GNE: variants seen among roughly 807,000 people sequenced by gnomAD.
GNE encodes the protein bifunctional UDP-N-acetylglucosamine 2-epimerase/N-acetylmannosamine kinase.
GNE carries 41 observed loss-of-function variants against 61.8 expected under a neutral mutation model. That is an observed-to-expected ratio of 0.66 (90% CI 0.52 to 0.86). The LOEUF (loss-of-function observed/expected upper bound fraction) is 0.86. Ranked by LOEUF, GNE falls within the 40% of genes least tolerant of loss-of-function variation. The pLI is 0.00. For synonymous variants in GNE, 264 were observed against 326.4 expected (o/e 0.81, Z 2.06); for missense variants, 608 against 909.1 (o/e 0.67, Z 4.26).
At chr9:36,222,188 G>C (rs1431053181) in intron 9 of GNE, among the ~76,000 whole-genome samples, 5 of 152,058 alleles carry the variant, frequency 3.3e-5, no homozygotes, top group Admixed American at 3.3e-4. Context: ...GGAGGCCGAG[G>C]CGGGCGGATC....
chr9:36,272,081 T>C (rs892407049), intron 1 of GNE, among the ~76,000 whole-genome samples: 2 of 152,144 alleles, frequency 1.3e-5, no homozygotes, highest in Non-Finnish European at 2.9e-5. Flanking sequence ...ACACTCTTGC[T>C]CAATCTTTAT....
chr9:36,248,318 CT>C (rs551725041), intron 2 of GNE, among the ~76,000 whole-genome samples: 130 of 141,958 alleles, frequency 9.2e-4, no homozygotes, highest in Non-Finnish European at 8.2e-4. Flanking sequence ...TCAACCTTTG[CT>C]TTTTTTTTTT....
intron 1 of GNE, chr9:36,265,594 C>G (rs1830749694): frequency 2.5e-6 from 1 of 394,496 alleles, no homozygotes; most frequent in South Asian, 1.8e-5. Flanking sequence ...TCACCCCATA[C>G]TGTATCTCAG....
At position 36,215,516 on chromosome 9, in the gene GNE, T is replaced by G. The variant is rs1420459798; in HGVS notation, c.*1849A>C. ...TGAAAGTGTTTTTGAAATGAGAGGT[T>G]GTGTGGCTCAGCAGCAAAAGCACAG... On this transcript the variant is annotated 3_prime_UTR_variant, in exon 12 of 12. Transcript: ENST00000642385. 1 of 152,204 alleles carries G rather than the reference T, an allele frequency of 6.6e-6. No individual in the cohort carries two copies. Among genetic ancestry groups the G allele is most frequent in the Non-Finnish European group, 1.5e-5 (1 of 68,028 alleles). The allele number at this position is 152,204 out of a possible 1,614,324, so 9.4% of individuals were successfully genotyped here.
At chr9:36,222,555 A>G (rs900712829) in intron 9 of GNE, among the ~76,000 whole-genome samples, 1 of 152,240 alleles carries the variant, frequency 6.6e-6, no homozygotes. Flanking sequence ...GCTCTGGGAA[A>G]TAAGAGCTTT....
Position 36,216,674 on chromosome 9 carries a change from T to TTA in GNE, c.*690_*691insTA, listed in dbSNP as rs1563924974. Reference sequence around the variant, plus strand: ...TATTATTATTATTATTATTATTATTTATTATTATTATTTTTGAGATGGAGT... The same window carrying TTA: ...TATTATTATTATTATTATTATTATTTTAATTATTATTATTTTTGAGATGGAGT... On this transcript the variant is annotated 3_prime_UTR_variant, in exon 12 of 12. Transcript: ENST00000642385. The TTA allele has an allele frequency of 8.6e-5, 4 of 46,248 alleles. No individual in the cohort carries two copies. Among genetic ancestry groups the TTA allele is most frequent in the African/African-American group, 2.0e-4 (3 of 15,138 alleles). The allele number at this position is 46,248 out of a possible 1,614,324, so 2.9% of individuals were successfully genotyped here. A position where few individuals can be genotyped will look rare whatever the true frequency, so the allele number is the denominator to read the frequency against.
chr9:36,247,155 C>T (rs998458119), intron 2 of GNE, among the ~76,000 whole-genome samples: 2 of 152,032 alleles, frequency 1.3e-5, no homozygotes, highest in Non-Finnish European at 2.9e-5. Context: ...CTCCCAGGTT[C>T]AAGCGATTCT....
intron 5 of GNE, among the ~76,000 whole-genome samples, chr9:36,231,278 A>AAAGCTTGTTTAAG (rs2133058061): frequency 6.6e-6 from 1 of 152,304 alleles, no homozygotes; most frequent in Non-Finnish European, 1.5e-5. Flanking sequence ...AAGCCTGGAC[A>AAAGCTTGTTTAAG]ACAAAGCAAG....
At chr9:36,242,962 A>T (rs1312139287) in intron 3 of GNE, among the ~76,000 whole-genome samples, 3 of 150,362 alleles carry the variant, frequency 2.0e-5, no homozygotes, top group Non-Finnish European at 4.4e-5. Flanking sequence ...CTGGTCTCCA[A>T]CTCCTGACCT....
At chr9:36,242,732 G>GTT (rs34441447) in intron 3 of GNE, among the ~76,000 whole-genome samples, 90 of 95,982 alleles carry the variant, frequency 9.4e-4, no homozygotes, top group East Asian at 2.6e-3. Context: ...TTTTATGCTT[G>GTT]TTTTTTTTTT....
chr9:36,220,023 A>G lies in GNE; in HGVS notation c.1634-3T>C, dbSNP rs2133007346. 6.2e-7 allele frequency: 1 copy of G among 1,612,844 alleles called. No individual in the cohort carries two copies. The highest frequency in any genetic ancestry group is 8.5e-7 in the Non-Finnish European group (1 of 1,179,084). ...ATGGATAATTCCACCACCGATTCCT[A>G]CAGCGAGGGATAGAAATCACTGAGG... On this transcript the variant is annotated splice_polypyrimidine_tract_variant and splice_region_variant and intron_variant, in intron 9 of 11. Transcript: ENST00000642385.
At chr9:36,256,390 G>T (rs1329402101) in intron 1 of GNE, among the ~76,000 whole-genome samples, 1 of 150,808 alleles carries the variant, frequency 6.6e-6, no homozygotes, top group Non-Finnish European at 1.5e-5. Flanking sequence ...GATCACAGGC[G>T]CCTGCCACCA....
Position 36,246,214 on chromosome 9 carries a change from A to C in GNE, c.433T>G (p.Ser145Ala). The change falls in exon 3 of 12, where the codon TCT (serine) becomes GCT (alanine). Residue 145 changes from serine to alanine, a missense_variant. By Grantham distance (99) the Ser-to-Ala change is moderately conservative (BLOSUM62 1). Coordinates refer to ENST00000642385, the MANE Select transcript of GNE (RefSeq NM_005476.7). ...GGEVSGTIDD[S>A]IRHAITKLAH... ...AGTTTTGTTATGGCATGTCTGATAGAGTCATCAATGGTCCCACTGACTTCC... is the reference window on the plus strand; with the variant it reads ...AGTTTTGTTATGGCATGTCTGATAGCGTCATCAATGGTCCCACTGACTTCC... The C allele has an allele frequency of 6.2e-7, 1 of 1,614,248 alleles. No homozygotes were observed. Among genetic ancestry groups the C allele is most frequent in the Non-Finnish European group, 8.5e-7 (1 of 1,180,036 alleles).
Position 36,217,293 on chromosome 9 carries a change from G to A in GNE, c.*72C>T. 1.0e-6 allele frequency: 1 copy of A among 991,142 alleles called. No individual in the cohort carries two copies. The highest frequency in any genetic ancestry group is 1.4e-5 in the South Asian group (1 of 73,914). 61.4% of individuals were successfully genotyped at this position (991,142 alleles called of 1,614,324 possible). ...TACCAGATTTGATTGTTAAGAAACG[G>A]TCATCCTAAAGACAAGAACTTGATT... On this transcript the variant is annotated 3_prime_UTR_variant, in exon 12 of 12. Transcript: ENST00000642385.
intron 5 of GNE, among the ~76,000 whole-genome samples, chr9:36,231,139 GA>G (rs1829139628): frequency 6.7e-6 from 1 of 150,228 alleles, no homozygotes; most frequent in Admixed American, 6.7e-5. Flanking sequence ...AAGAAGGAAG[GA>G]AGGAAGGAAA....
In GNE at chr9:36,246,057, T is replaced by C; in HGVS notation, c.590A>G (p.Tyr197Cys). The C allele has an allele frequency of 6.2e-7, 1 of 1,614,144 alleles. No homozygotes were observed. Among genetic ancestry groups the C allele is most frequent in the South Asian group, 1.1e-5 (1 of 91,080 alleles). The change falls in exon 3 of 12, where the codon TAC becomes TGC. Residue 197 changes from tyrosine to cysteine, a missense_variant. Physicochemically the swap from Tyr to Cys is radical, Grantham distance 194. Coordinates refer to ENST00000642385, the MANE Select transcript of GNE (RefSeq NM_005476.7). ...TAGCCACATGCGAATGATGCTCATG[T>C]AGTCTTTGTTCTTGGCTGAGAGAAG... ...DKLLSAKNKD[Y>C]MSIIRMWLGD...
intron 1 of GNE, among the ~76,000 whole-genome samples, chr9:36,267,061 G>T (rs140609001): frequency 3.4e-4 from 52 of 152,188 alleles, no homozygotes; most frequent in African/African-American, 1.2e-3. Flanking sequence ...GTGAGACTCA[G>T]TCTCAAAAAA....
At position 36,253,227 on chromosome 9, in the gene GNE, C is replaced by T. The variant is rs144814455; in HGVS notation, c.-42-3830G>A. Among the ~76,000 whole-genome samples the T allele has an allele frequency of 6.1e-3, 905 of 149,144 alleles. 4 individuals are homozygous for T. The highest frequency in any genetic ancestry group is 0.022 in the African/African-American group (850 of 39,446). On this transcript the variant is annotated intron_variant, in intron 1 of 11. Coordinates refer to ENST00000642385, the MANE Select transcript of GNE (RefSeq NM_005476.7). ...TGTGTATACATACACACATACACAA[C>T]GTATATTACAAAATTGGTAACATAT...
chr9:36,219,445 C>T (rs1828484540), intron 10 of GNE, among the ~76,000 whole-genome samples: 1 of 152,306 alleles, frequency 6.6e-6, no homozygotes, highest in Admixed American at 6.5e-5. Context: ...CAAAAATCTA[C>T]ACTGTTTTTA....
Sources: allele counts gnomAD v4.1 joint callset (sites outside exome capture counted in the v4.1 genomes callset), GRCh38; gene constraint gnomAD v4.1.1; transcripts MANE v1.5; gene names NCBI Gene and HGNC (gene_info 2026-07-23, HGNC 2026-07-21).